The following ADGRL2 variants were observed in gnomAD, a reference collection of about 807,000 sequenced individuals.
ADGRL2 encodes the protein adhesion G protein-coupled receptor L2.
ADGRL2 carries 44 observed loss-of-function variants against 157.4 expected under a neutral mutation model. The ratio of observed to expected loss-of-function variants is 0.28; its 90% CI spans 0.22 to 0.36. ADGRL2 has a LOEUF of 0.36. ADGRL2 is among the 10% of genes least tolerant of loss of function. The pLI, the probability that ADGRL2 is intolerant of heterozygous loss-of-function variation, is 1.00. For missense variants in ADGRL2, 1,510 were observed against 1,768.9 expected, an observed-to-expected ratio of 0.85 and a Z score of 2.63; for synonymous variants, 585 against 624.7, an observed-to-expected ratio of 0.94 and a Z score of 0.95.
intron 1 of ADGRL2, among the ~76,000 whole-genome samples, chr1:81,394,114 C>T (rs1207405540): frequency 6.6e-6 from 1 of 152,006 alleles, no homozygotes; most frequent in Non-Finnish European, 1.5e-5. Context: ...TTGAGTAGCT[C>T]TACACTTTCT....
At chr1:81,766,903 C>T (rs1571137061) in intron 2 of ADGRL2, among the ~76,000 whole-genome samples, 2 of 150,068 alleles carry the variant, frequency 1.3e-5, no homozygotes, top group East Asian at 1.9e-4. Context: ...GTACCACCAA[C>T]CAGTTTAAGA....
chr1:81,917,552 A>C (rs989202842), intron 3 of ADGRL2, among the ~76,000 whole-genome samples: 1 of 152,216 alleles, frequency 6.6e-6, no homozygotes, highest in Non-Finnish European at 1.5e-5. Context: ...AGTCTTTAAC[A>C]CATTTAAATG....
intron 2 of ADGRL2, among the ~76,000 whole-genome samples, chr1:81,552,813 G>A (rs2148396974): frequency 6.6e-6 from 1 of 152,148 alleles, no homozygotes; most frequent in South Asian, 2.1e-4. Context: ...AATCTGTATT[G>A]ATTACTCTGT....
chr1:81,813,364 C>G (rs998255358), intron 1 of ADGRL2, among the ~76,000 whole-genome samples: 1 of 151,506 alleles, frequency 6.6e-6, no homozygotes. Context: ...TAATGAAATT[C>G]CTTGTTTCAG....
intron 1 of ADGRL2, among the ~76,000 whole-genome samples, chr1:81,318,744 G>T (rs1444782423): frequency 6.6e-6 from 1 of 151,870 alleles, no homozygotes; most frequent in Non-Finnish European, 1.5e-5. Context: ...TATAAAAAGA[G>T]ATCCTGTTTT....
At chr1:81,848,710 A>C (rs576953022) in intron 2 of ADGRL2, among the ~76,000 whole-genome samples, 1 of 152,080 alleles carries the variant, frequency 6.6e-6, no homozygotes, top group East Asian at 1.9e-4. Flanking sequence ...CTAACACTTC[A>C]ACTTTCAAAT....
chr1:81,474,528 G>A (rs1007883297), intron 2 of ADGRL2, among the ~76,000 whole-genome samples: 2 of 152,194 alleles, frequency 1.3e-5, no homozygotes, highest in Admixed American at 6.5e-5. Flanking sequence ...CTTGTGTTCA[G>A]AAAAGCAAGG....
intron 2 of ADGRL2, among the ~76,000 whole-genome samples, chr1:81,773,399 C>T (rs1019973634): frequency 6.6e-6 from 1 of 152,152 alleles, no homozygotes; most frequent in African/African-American, 2.4e-5. Context: ...AATACCTTTT[C>T]CACCAAATAG....
At chr1:81,390,528 G>A (rs190420041) in intron 1 of ADGRL2, among the ~76,000 whole-genome samples, 1 of 151,414 alleles carries the variant, frequency 6.6e-6, no homozygotes, top group African/African-American at 2.4e-5. Flanking sequence ...TGACAGGAAA[G>A]CTCAAATAGC....
intron 1 of ADGRL2, among the ~76,000 whole-genome samples, chr1:81,329,637 C>T (rs1302077643): frequency 6.6e-6 from 1 of 152,100 alleles, no homozygotes. Context: ...GAAAAGAAAG[C>T]TCTAAATATA....
chr1:81,361,326 G>T (rs1239744575), intron 1 of ADGRL2, among the ~76,000 whole-genome samples: 1 of 151,890 alleles, frequency 6.6e-6, no homozygotes, highest in Non-Finnish European at 1.5e-5. Flanking sequence ...TAGTCTCTCA[G>T]TAATAGTCAA....
chr1:81,515,217 G>A (rs2079152326), intron 2 of ADGRL2: 1 of 152,142 alleles, frequency 6.6e-6, no homozygotes, highest in Non-Finnish European at 1.5e-5. Context: ...AAAGGCAAGA[G>A]GAAAAATAAA....
intron 2 of ADGRL2, among the ~76,000 whole-genome samples, chr1:81,536,425 A>G (rs939599022): frequency 6.6e-6 from 1 of 152,178 alleles, no homozygotes; most frequent in African/African-American, 2.4e-5. Context: ...CTATTTATTT[A>G]CCAGAGATGA....
At chr1:81,781,551 C>T (rs915801949) in intron 2 of ADGRL2, among the ~76,000 whole-genome samples, 1 of 152,140 alleles carries the variant, frequency 6.6e-6, no homozygotes, top group Non-Finnish European at 1.5e-5. Context: ...CTTAAGCCAA[C>T]CAACATCTCT....
chr1:81,478,997 A>G (rs912423375), intron 2 of ADGRL2, among the ~76,000 whole-genome samples: 1 of 152,074 alleles, frequency 6.6e-6, no homozygotes, highest in African/African-American at 2.4e-5. Flanking sequence ...TTTTCCATAC[A>G]GTTATTGCAC....
At chr1:81,385,692 A>C (rs910687963) in intron 1 of ADGRL2, among the ~76,000 whole-genome samples, 1 of 152,122 alleles carries the variant, frequency 6.6e-6, no homozygotes, top group African/African-American at 2.4e-5. Context: ...AAAAAATTTT[A>C]AAATGAATGA....
chr1:81,316,235 A>G (rs1451501745), intron 1 of ADGRL2, among the ~76,000 whole-genome samples: 1 of 152,168 alleles, frequency 6.6e-6, no homozygotes, highest in Non-Finnish European at 1.5e-5. Context: ...AAGGAACCAT[A>G]AAGGTTAAAT....
chr1:81,836,891 A>G lies in ADGRL2; in HGVS notation c.-94A>G. The stretch of plus-strand genomic sequence containing the variant: ...GGATTTGTTTGTTTTTCAGATATGA[A>G]GATCAATGATGCAGACTGATGGTTT... On this transcript the variant is annotated 5_prime_UTR_variant, in exon 2 of 24. Coordinates refer to ENST00000686636, the MANE Select transcript of ADGRL2 (RefSeq NM_001366006.2). 1 of 696,046 alleles carries G rather than the reference A, an allele frequency of 1.4e-6. No homozygotes were observed. The highest frequency in any genetic ancestry group is 2.5e-6 in the Non-Finnish European group (1 of 404,940). 43.1% of individuals were successfully genotyped at this position (696,046 alleles called of 1,614,324 possible).
At chr1:81,327,303 T>C (rs1399281540) in intron 1 of ADGRL2, among the ~76,000 whole-genome samples, 1 of 152,170 alleles carries the variant, frequency 6.6e-6, no homozygotes, top group Non-Finnish European at 1.5e-5. Flanking sequence ...CTTTATCTTC[T>C]AGGAGATCTG....
Sources: gnomAD v4.1 joint callset for allele counts (sites outside exome capture counted in the v4.1 genomes callset) on GRCh38, gnomAD v4.1.1 for gene constraint, MANE v1.5 for transcripts, NCBI Gene and HGNC (gene_info 2026-07-23, HGNC 2026-07-21) for gene names.